The following MDN1 variants were observed in gnomAD, a reference collection of about 807,000 sequenced individuals.
The protein encoded by MDN1 is midasin AAA ATPase 1.
MDN1 carries 266 observed loss-of-function variants against 669.2 expected under a neutral mutation model. The ratio of observed to expected loss-of-function variants is 0.40; its 90% CI spans 0.36 to 0.44. The LOEUF is 0.44. Among genes scored for constraint, MDN1 ranks in the 20% least tolerant of loss-of-function variants. The pLI, the probability that MDN1 is intolerant of heterozygous loss-of-function variation, is 1.00. For synonymous variants in MDN1, 2,385 were observed against 2,457.1 expected (o/e 0.97, Z 0.87); for missense variants, 5,940 against 6,754.0 (o/e 0.88, Z 4.22).
At chr6:89,713,445 C>T (rs1814098446) in intron 46 of MDN1, 149 bp from the exon 47 acceptor site, 3 of 678,636 alleles carry the variant, frequency 4.4e-6, no homozygotes, top group Non-Finnish European at 4.9e-6. Context: ...ACTCTAGAGT[C>T]CTCCGAGGGC....
chr6:89,675,222 C>A (rs1308276236), intron 78 of MDN1, among the ~76,000 whole-genome samples: 2 of 152,194 alleles, frequency 1.3e-5, no homozygotes, highest in Non-Finnish European at 2.9e-5. Context: ...TGACACAGCC[C>A]TGAAATCTCT....
At chr6:89,751,625 T>C (rs767654660) in intron 22 of MDN1, 43 bp from the exon 23 acceptor site, 4 of 1,588,394 alleles carry the variant, frequency 2.5e-6, no homozygotes, top group Admixed American at 1.8e-5. Flanking sequence ...CAGTTGTACA[T>C]TCTTTCAGAG....
intron 11 of MDN1, among the ~76,000 whole-genome samples, chr6:89,777,075 G>A (rs1458906113): frequency 2.0e-5 from 3 of 152,132 alleles, no homozygotes; most frequent in African/African-American, 7.2e-5. Flanking sequence ...CTAACTGCAA[G>A]GGAAACACTA....
At chr6:89,778,092 C>T (rs1294965851) in intron 11 of MDN1, among the ~76,000 whole-genome samples, 3 of 151,854 alleles carry the variant, frequency 2.0e-5, no homozygotes, top group East Asian at 1.9e-4. Context: ...CCTGTTGGGC[C>T]GTTACAATCT....
chr6:89,686,445 TATAA>T (rs750348881), intron 69 of MDN1, among the ~76,000 whole-genome samples: 30 of 151,698 alleles, frequency 2.0e-4, no homozygotes, highest in Non-Finnish European at 3.4e-4. Flanking sequence ...AAAAAACAAA[TATAA>T]ATAAATAAAT....
intron 17 of MDN1, among the ~76,000 whole-genome samples, chr6:89,759,312 G>C (rs1445486064): frequency 3.9e-5 from 6 of 152,162 alleles, no homozygotes; most frequent in Non-Finnish European, 7.3e-5. Flanking sequence ...ACCAAGATTA[G>C]ACAAATGTCT....
At chr6:89,681,564 T>G (rs1811617543) in intron 73 of MDN1, among the ~76,000 whole-genome samples, 1 of 152,080 alleles carries the variant, frequency 6.6e-6, no homozygotes, top group African/African-American at 2.4e-5. Flanking sequence ...AACCTGAAAC[T>G]CCTATGTTGT....
intron 89 of MDN1, 114 bp from the exon 90 acceptor site, chr6:89,658,484 C>A: frequency 6.5e-7 from 1 of 1,537,626 alleles, no homozygotes; most frequent in Non-Finnish European, 8.8e-7. Flanking sequence ...AAAACAGAAA[C>A]CTAGAACTCC....
intron 43 of MDN1, 152 bp from the exon 44 acceptor site, chr6:89,716,961 A>C: frequency 1.1e-6 from 1 of 880,552 alleles, no homozygotes; most frequent in Non-Finnish European, 1.6e-6. Flanking sequence ...GTTTAAACAC[A>C]GATAGGAAAG....
intron 29 of MDN1, 38 bp downstream of exon 29, chr6:89,745,235 G>A (rs751119981): frequency 3.3e-5 from 52 of 1,577,034 alleles, no homozygotes; most frequent in Non-Finnish European, 4.4e-5. Flanking sequence ...CTATGGAATT[G>A]AAATGAACCC....
rs1282558719 is a variant in MDN1 at position 89,716,661 on chromosome 6, A to T, written c.6732T>A (p.Val2244=). 1.2e-6 allele frequency: 2 copies of T among 1,611,378 alleles called. No homozygotes were observed. The highest frequency in any genetic ancestry group is 2.7e-5 in the African/African-American group (2 of 74,758). ...KSGDWLLMDN[V]NFCNPSVLDR... is the part of the protein sequence containing the mutation. Reference sequence around the variant, plus strand: ...CATAAGGTTCTTACTTGCAGAAGTTAACATTGTCCATCAGAAGCCAGTCTC... The same window carrying T: ...CATAAGGTTCTTACTTGCAGAAGTTTACATTGTCCATCAGAAGCCAGTCTC... Residue 2244 remains valine, a synonymous_variant, in exon 44 of 102, where the codon GTT becomes GTA. Coordinates refer to ENST00000369393, the MANE Select transcript of MDN1 (RefSeq NM_014611.3).
Position 89,670,164 on chromosome 6 carries a change from A to ATT in MDN1, c.13956+754_13956+755insAA, listed in dbSNP as rs1234314950. Reference sequence around the variant, plus strand: ...CATATATATATATATATATATATATATATATATTTTTTTTTTTTTTTTTTT... The same window carrying ATT: ...CATATATATATATATATATATATATATTTATATATTTTTTTTTTTTTTTTTTT... On this transcript the variant is annotated intron_variant, in intron 83 of 101. Transcript: ENST00000369393. 3.1e-3 allele frequency among the ~76,000 whole-genome samples: 57 copies of ATT among 18,244 alleles called. 1 individual carries two copies. Among genetic ancestry groups the ATT allele is most frequent in the African/African-American group, 8.7e-3 (34 of 3,916 alleles). The allele number at this position is 18,244 out of a possible 152,430, so 12.0% of individuals were successfully genotyped here.
In MDN1 at chr6:89,712,136, GA is replaced by G. The variant is rs1813983597; in HGVS notation, c.7550del (p.Val2517AlafsTer8). 1.2e-6 allele frequency: 2 copies of G among 1,614,120 alleles called. No homozygotes were observed. ...TYWIDEPDVL[V>X]MAVKLLIERA... ...TTTCTATGAGCAATTTAACAGCCAT[GA>G]CCAAAACATCTGGTTCATCGATCCA... On this transcript the variant is annotated frameshift_variant, in exon 49 of 102. Coordinates refer to ENST00000369393, the MANE Select transcript of MDN1 (RefSeq NM_014611.3). LOFTEE classifies it high-confidence loss of function.
chr6:89,758,391 TTA>T (rs1473995572), intron 18 of MDN1, 40 bp from the exon 19 acceptor site: 5 of 1,514,530 alleles, frequency 3.3e-6, no homozygotes, highest in Non-Finnish European at 4.5e-6. Flanking sequence ...AAAGGTATGA[TTA>T]TCTAATTCCA....
intron 2 of MDN1, among the ~76,000 whole-genome samples, chr6:89,796,387 A>C (rs936895532): frequency 2.0e-5 from 3 of 151,876 alleles, no homozygotes; most frequent in Admixed American, 2.0e-4. Flanking sequence ...CATTATAAAG[A>C]AATGGAAAAT....
chr6:89,720,372 C>T (rs1297388655), intron 40 of MDN1, among the ~76,000 whole-genome samples: 1 of 151,200 alleles, frequency 6.6e-6, no homozygotes, highest in Non-Finnish European at 1.5e-5. Context: ...TGTACTCCAG[C>T]CTGGGCGACA....
chr6:89,702,843 G>A (rs550147376), intron 53 of MDN1, among the ~76,000 whole-genome samples: 11 of 151,560 alleles, frequency 7.3e-5, no homozygotes, highest in African/African-American at 2.4e-4. Flanking sequence ...CTTCTCCTAC[G>A]TTTTCTTTTA....
At position 89,753,544 on chromosome 6, in the gene MDN1, C is replaced by A. The variant is rs1326634226; in HGVS notation, c.3043G>T (p.Val1015Phe). ...AGCAGACTCTTGACATTGCCAGGGA[C>A]AATGTGTTGACAGATGAGCTTCTGA... ...IVQKLICQHI[V>F]PGNVKSLLKQ... is the part of the protein sequence containing the mutation. The change falls in exon 22 of 102, where the codon GTC becomes TTC. Residue 1015 changes from valine (V) to phenylalanine (F), a missense_variant. Val to Phe is a conservative substitution (Grantham distance 50). Transcript: ENST00000369393. The A allele has an allele frequency of 6.2e-7, 1 of 1,613,026 alleles. No homozygotes were observed. Among genetic ancestry groups the A allele is most frequent in the Non-Finnish European group, 8.5e-7 (1 of 1,179,160 alleles).
intron 8 of MDN1, among the ~76,000 whole-genome samples, chr6:89,787,437 T>C (rs982984185): frequency 6.6e-5 from 10 of 152,228 alleles, no homozygotes; most frequent in Non-Finnish European, 1.2e-4. Context: ...TGGGCATTTA[T>C]TGTGACAGGT....
Sources: gnomAD v4.1 joint callset for allele counts (sites outside exome capture counted in the v4.1 genomes callset) on GRCh38, gnomAD v4.1.1 for gene constraint, MANE v1.5 for transcripts, NCBI Gene and HGNC (gene_info 2026-07-23, HGNC 2026-07-21) for gene names.